NUP210L: variants seen among roughly 807,000 people sequenced by gnomAD.
NUP210L encodes the protein nucleoporin 210 like, also known as nuclear pore membrane glycoprotein 210-like.
A neutral mutation model predicts 208.5 loss-of-function variants in NUP210L; 74 were observed. That is an observed-to-expected ratio of 0.35 (90% CI 0.29 to 0.43). The LOEUF (loss-of-function observed/expected upper bound fraction) is 0.43. NUP210L is among the 20% of genes least tolerant of loss of function. The pLI, the probability that NUP210L is intolerant of heterozygous loss-of-function variation, is 1.00. For missense variants in NUP210L, 1,843 were observed against 2,289.4 expected (o/e 0.81, Z 3.98); for synonymous variants, 780 against 816.9 (o/e 0.95, Z 0.77).
intron 27 of NUP210L, among the ~76,000 whole-genome samples, chr1:154,045,736 C>T (rs962292670): frequency 1.2e-4 from 19 of 152,170 alleles, no homozygotes; most frequent in Admixed American, 1.3e-4. Context: ...AATCCCAGCA[C>T]TTCGGGAGGT....
intron 35 of NUP210L, among the ~76,000 whole-genome samples, chr1:154,007,343 A>G (rs561422514): frequency 1.3e-5 from 2 of 148,850 alleles, no homozygotes; most frequent in African/African-American, 5.0e-5. Flanking sequence ...GCTCACCGCA[A>G]CCTCCACTTC....
intron 27 of NUP210L, among the ~76,000 whole-genome samples, chr1:154,032,727 G>A (rs1037440308): frequency 1.3e-5 from 2 of 151,970 alleles, no homozygotes; most frequent in African/African-American, 4.8e-5. Context: ...AGACCAGCCT[G>A]GCCAACATGG....
intron 7 of NUP210L, among the ~76,000 whole-genome samples, chr1:154,131,966 C>T (rs771813994): frequency 1.3e-5 from 2 of 152,046 alleles, no homozygotes; most frequent in Non-Finnish European, 2.9e-5. Context: ...TGCATCACCA[C>T]GCCCTGCTAA....
At chr1:154,118,096 C>T (rs376638866) in intron 11 of NUP210L, among the ~76,000 whole-genome samples, 3 of 151,988 alleles carry the variant, frequency 2.0e-5, no homozygotes, top group East Asian at 1.9e-4. Context: ...GATTACCTGA[C>T]GTCAGAAGTT....
chr1:154,095,707 G>C (rs1327686537), intron 14 of NUP210L, among the ~76,000 whole-genome samples: 1 of 152,058 alleles, frequency 6.6e-6, no homozygotes, highest in Admixed American at 6.6e-5. Flanking sequence ...ATTTTAAACT[G>C]ATATTTTACT....
At chr1:154,099,513 G>A (rs1656352458) in intron 14 of NUP210L, among the ~76,000 whole-genome samples, 1 of 152,166 alleles carries the variant, frequency 6.6e-6, no homozygotes, top group South Asian at 2.1e-4. Flanking sequence ...AGTCCTTAGG[G>A]CTCAATATAA....
chr1:154,071,979 T>C (rs932123739), intron 16 of NUP210L, among the ~76,000 whole-genome samples: 195 of 146,870 alleles, frequency 1.3e-3, no homozygotes, highest in Middle Eastern at 3.5e-3. Context: ...CCATCGCGTG[T>C]GTGTGTGTGT....
At chr1:154,112,565 A>G (rs1657094172) in intron 12 of NUP210L, among the ~76,000 whole-genome samples, 4 of 152,112 alleles carry the variant, frequency 2.6e-5, no homozygotes, top group Non-Finnish European at 5.9e-5. Context: ...TATCCCATAA[A>G]TATATACACC....
chr1:154,108,930 G>A (rs978515903), intron 12 of NUP210L, among the ~76,000 whole-genome samples: 6 of 151,502 alleles, frequency 4.0e-5, no homozygotes, highest in Non-Finnish European at 4.4e-5. Flanking sequence ...GAGAAACCCC[G>A]TCTCTACTAA....
At chr1:153,997,885 T>G (rs1649988874) in intron 37 of NUP210L, among the ~76,000 whole-genome samples, 1 of 151,806 alleles carries the variant, frequency 6.6e-6, no homozygotes, top group Non-Finnish European at 1.5e-5. Context: ...ATTTTTTTTA[T>G]TTTTAGTAGA....
At chr1:154,085,773 T>C (rs1655592835) in intron 16 of NUP210L, among the ~76,000 whole-genome samples, 2 of 152,208 alleles carry the variant, frequency 1.3e-5, no homozygotes, top group Admixed American at 1.3e-4. Context: ...TAAAGATGTA[T>C]AGATTAATAG....
chr1:154,045,919 A>G, intron 27 of NUP210L, 150 bp downstream of exon 27: 1 of 632,714 alleles, frequency 1.6e-6, no homozygotes, highest in Non-Finnish European at 2.6e-6. Flanking sequence ...TAGGAGGTGG[A>G]GGTTGCAGTG....
chr1:154,036,952 G>A (rs1194967484), intron 27 of NUP210L, among the ~76,000 whole-genome samples: 1 of 151,864 alleles, frequency 6.6e-6, no homozygotes, highest in African/African-American at 2.4e-5. Flanking sequence ...TTGAAGAAAT[G>A]CGGTTTTGAC....
intron 17 of NUP210L, among the ~76,000 whole-genome samples, chr1:154,067,137 CA>C (rs1428569817): frequency 6.6e-6 from 1 of 151,848 alleles, no homozygotes; most frequent in Admixed American, 6.6e-5. Context: ...AGAGACACAA[CA>C]AAAAAAGAGA....
intron 17 of NUP210L, among the ~76,000 whole-genome samples, chr1:154,065,817 C>G (rs552972785): frequency 4.1e-5 from 6 of 146,654 alleles, no homozygotes; most frequent in Non-Finnish European, 8.9e-5. Flanking sequence ...TGCTTGAATC[C>G]CGAAGGCAGA....
intron 2 of NUP210L, 148 bp downstream of exon 2, chr1:154,152,588 A>C (rs2148165700): frequency 1.5e-6 from 1 of 648,156 alleles, no homozygotes; most frequent in South Asian, 2.3e-5. Flanking sequence ...CTGGGATTAA[A>C]GGCGTGAGCC....
intron 16 of NUP210L, chr1:154,079,856 CA>C (rs1655230058): frequency 6.6e-6 from 1 of 152,216 alleles, no homozygotes; most frequent in African/African-American, 2.4e-5. Context: ...TTCATCTGGA[CA>C]AAGCATAGCA....
chr1:154,008,771 ATCT>A (rs1197052866), intron 35 of NUP210L, among the ~76,000 whole-genome samples: 1 of 152,102 alleles, frequency 6.6e-6, no homozygotes, highest in Non-Finnish European at 1.5e-5. Flanking sequence ...GTAACTCCAC[ATCT>A]TCTCCTGCTG....
At position 154,001,958 on chromosome 1, in the gene NUP210L, C is replaced by G. The variant is rs763032487; in HGVS notation, c.4958G>C (p.Arg1653Pro). 3 of 1,613,568 alleles carry G rather than the reference C, an allele frequency of 1.9e-6. No individual in the cohort carries two copies. Among genetic ancestry groups the G allele is most frequent in the Non-Finnish European group, 8.5e-7 (1 of 1,179,898 alleles). Residue 1653 changes from arginine to proline, a missense_variant, in exon 36 of 40, where the codon CGA becomes CCA. Transcript: ENST00000368559. The stretch of plus-strand genomic sequence containing the variant: ...CTGTAGCAGCTCCTCTGACTGCGGT[C>G]GAACCTTGATTATGCAGACATAAAC...
Sources: allele counts gnomAD v4.1 joint callset (sites outside exome capture counted in the v4.1 genomes callset), GRCh38; gene constraint gnomAD v4.1.1; transcripts MANE v1.5; gene names NCBI Gene and HGNC (gene_info 2026-07-23, HGNC 2026-07-21).